CDKAL1: variants seen among roughly 807,000 people sequenced by gnomAD.
The protein encoded by CDKAL1 is CDKAL1 threonylcarbamoyladenosine tRNA methylthiotransferase.
Under a neutral mutation model 68.2 loss-of-function variants are expected in CDKAL1, and 32 were observed. The ratio of observed to expected loss-of-function variants is 0.47; its 90% CI spans 0.35 to 0.63. The LOEUF is 0.63. Among genes scored for constraint, CDKAL1 ranks in the 30% least tolerant of loss-of-function variants. The pLI, the probability that CDKAL1 is intolerant of heterozygous loss-of-function variation, is 0.00. For missense variants in CDKAL1, 606 were observed against 696.7 expected (o/e 0.87, Z 1.47); for synonymous variants, 234 against 244.3 (o/e 0.96, Z 0.39).
intron 4 of CDKAL1, chr6:20,599,283 G>T: frequency 2.4e-6 from 1 of 423,182 alleles, no homozygotes; most frequent in Non-Finnish European, 4.7e-6. Context: ...ATAAGTGTTA[G>T]ATGTCAGATA....
At chr6:20,734,319 G>T (rs1473639965) in intron 5 of CDKAL1, among the ~76,000 whole-genome samples, 5 of 151,910 alleles carry the variant, frequency 3.3e-5, no homozygotes, top group African/African-American at 9.7e-5. Flanking sequence ...AAGAAAAAAT[G>T]ACCCATTATA....
chr6:20,739,766 T>A, intron 6 of CDKAL1, 151 bp downstream of exon 6: 1 of 502,226 alleles, frequency 2.0e-6, no homozygotes, highest in Non-Finnish European at 3.5e-6. Context: ...CCTGAAACTG[T>A]CATTTCTGTG....
At chr6:20,782,471 G>C (rs1170419454) in intron 8 of CDKAL1, among the ~76,000 whole-genome samples, 1 of 152,130 alleles carries the variant, frequency 6.6e-6, no homozygotes, top group Non-Finnish European at 1.5e-5. Context: ...ATGCAAGGCT[G>C]TTTGCTTTCC....
intron 12 of CDKAL1, among the ~76,000 whole-genome samples, chr6:21,089,262 G>A (rs1266354423): frequency 6.6e-6 from 1 of 152,006 alleles, no homozygotes; most frequent in Non-Finnish European, 1.5e-5. Context: ...GATTGCTTGA[G>A]CCCAGAAGTT....
At chr6:20,651,898 G>GC (rs1387030153) in intron 5 of CDKAL1, among the ~76,000 whole-genome samples, 3 of 152,202 alleles carry the variant, frequency 2.0e-5, no homozygotes, top group Non-Finnish European at 4.4e-5. Context: ...CAGGGATGAA[G>GC]CCCACTTGAT....
chr6:21,083,023 A>G (rs1322705429), intron 12 of CDKAL1, among the ~76,000 whole-genome samples: 1 of 151,408 alleles, frequency 6.6e-6, no homozygotes, highest in African/African-American at 2.4e-5. Context: ...ACAGGCATGC[A>G]CCACCACACC....
chr6:21,081,254 G>A (rs185306034), intron 12 of CDKAL1, among the ~76,000 whole-genome samples: 1 of 152,238 alleles, frequency 6.6e-6, no homozygotes, highest in Non-Finnish European at 1.5e-5. Flanking sequence ...GCTGAAAGGT[G>A]GCAGGTATTA....
intron 8 of CDKAL1, 78 bp from the exon 9 acceptor site, chr6:20,845,997 A>G: frequency 1.2e-6 from 1 of 817,752 alleles, no homozygotes; most frequent in Non-Finnish European, 2.0e-6. Context: ...ACTTTTGTGT[A>G]TGTTTTGAGG....
intron 8 of CDKAL1, among the ~76,000 whole-genome samples, chr6:20,791,054 A>G (rs536901854): frequency 2.6e-5 from 4 of 152,306 alleles, no homozygotes; most frequent in Admixed American, 1.3e-4. Context: ...TTTGACTTGT[A>G]GCTTGGCTTT....
intron 15 of CDKAL1, among the ~76,000 whole-genome samples, chr6:21,207,302 A>G (rs760673702): frequency 2.1e-4 from 32 of 151,932 alleles, no homozygotes; most frequent in Non-Finnish European, 4.0e-4. Context: ...CCAAGGCAGG[A>G]GGAGTGCTTG....
At position 20,666,899 on chromosome 6, in the gene CDKAL1, T is replaced by A. The variant is rs145135704; in HGVS notation, c.371+17522T>A. On this transcript the variant is annotated intron_variant, in intron 5 of 15. Transcript: ENST00000274695. Reference sequence around the variant, plus strand: ...ACTGGAACAGCATGTACCATTTGCCTCATCTTTCCATTTCAGGGCTGGTCA... The same window carrying A: ...ACTGGAACAGCATGTACCATTTGCCACATCTTTCCATTTCAGGGCTGGTCA... 2.3e-3 allele frequency among the ~76,000 whole-genome samples: 352 copies of A among 152,278 alleles called. 2 individuals are homozygous for A. The highest frequency in any genetic ancestry group is 7.0e-3 in the African/African-American group (293 of 41,562).
chr6:20,979,677 A>G (rs960507753), intron 10 of CDKAL1, among the ~76,000 whole-genome samples: 1 of 152,006 alleles, frequency 6.6e-6, no homozygotes, highest in South Asian at 2.1e-4. Context: ...TCCAGACTGC[A>G]TTTCTTGCTG....
chr6:20,776,719 C>G (rs1214822452), intron 7 of CDKAL1, among the ~76,000 whole-genome samples: 2 of 152,160 alleles, frequency 1.3e-5, no homozygotes, highest in African/African-American at 4.8e-5. Flanking sequence ...CAGTCAAAAG[C>G]AAATCATGTC....
intron 4 of CDKAL1, among the ~76,000 whole-genome samples, chr6:20,580,936 T>C (rs1448833933): frequency 6.6e-6 from 1 of 152,124 alleles, no homozygotes. Flanking sequence ...ATTATAGGCA[T>C]GCGCCACCAC....
At chr6:21,170,879 T>C (rs1335691608) in intron 13 of CDKAL1, among the ~76,000 whole-genome samples, 1 of 152,172 alleles carries the variant, frequency 6.6e-6, no homozygotes, top group African/African-American at 2.4e-5. Context: ...TGATAATCTG[T>C]TTACAGCCCT....
intron 10 of CDKAL1, among the ~76,000 whole-genome samples, chr6:20,961,371 T>C (rs775311473): frequency 6.6e-6 from 1 of 152,096 alleles, no homozygotes; most frequent in Non-Finnish European, 1.5e-5. Flanking sequence ...TTCTCACTTA[T>C]AAGTGGGAGC....
intron 9 of CDKAL1, among the ~76,000 whole-genome samples, chr6:20,943,328 C>CAAAAAAAAAAA (rs34759060): frequency 9.8e-5 from 5 of 51,036 alleles, no homozygotes; most frequent in African/African-American, 2.2e-4. Context: ...CTTGTTTTTT[C>CAAAAAAAAAAA]AAAAAAAAAA....
At chr6:21,015,296 T>C (rs1768262313) in intron 11 of CDKAL1, among the ~76,000 whole-genome samples, 1 of 152,354 alleles carries the variant, frequency 6.6e-6, no homozygotes. Context: ...AGTGTTTTTT[T>C]GTTAGAAGCC....
At chr6:20,677,163 C>T (rs1041319661) in intron 5 of CDKAL1, among the ~76,000 whole-genome samples, 4 of 151,950 alleles carry the variant, frequency 2.6e-5, no homozygotes, top group Non-Finnish European at 5.9e-5. Flanking sequence ...CTCTGCCTCC[C>T]AGGTTCAAGC....
Sources: allele counts gnomAD v4.1 joint callset (sites outside exome capture counted in the v4.1 genomes callset), GRCh38; gene constraint gnomAD v4.1.1; transcripts MANE v1.5; gene names NCBI Gene and HGNC (gene_info 2026-07-23, HGNC 2026-07-21).